The following CLTC variants were observed in gnomAD, a reference collection of about 807,000 sequenced individuals.
CLTC encodes the protein clathrin heavy chain, also known as clathrin heavy chain 1.
CLTC carries 16 observed loss-of-function variants against 195.8 expected under a neutral mutation model. The observed-to-expected ratio is 0.08, with a 90% CI of 0.06 to 0.12. The LOEUF is 0.12. Among genes scored for constraint, CLTC ranks in the 10% least tolerant of loss-of-function variants. The probability of loss-of-function intolerance (pLI) is 1.00; values close to 1 mark genes in which losing one functional copy is unlikely to be tolerated. For synonymous variants in CLTC, 667 were observed against 689.4 expected (o/e 0.97, Z 0.51); for missense variants, 796 against 2,027.0 (o/e 0.39, Z 11.66).
chr17:59,661,407 C>T (rs749086109), intron 7 of CLTC, 36 bp from the exon 8 acceptor site: 1 of 1,546,226 alleles, frequency 6.5e-7, no homozygotes, highest in African/African-American at 1.4e-5. Context: ...CCTTCTTACA[C>T]TTTCGAAGAG....
chr17:59,670,259 G>A (rs1029955732), intron 14 of CLTC, among the ~76,000 whole-genome samples: 2 of 127,772 alleles, frequency 1.6e-5, no homozygotes, highest in African/African-American at 5.5e-5. Flanking sequence ...AGATTCTTTT[G>A]GGGGCAGGGG....
chr17:59,662,213 A>C (rs528710465), intron 8 of CLTC, among the ~76,000 whole-genome samples: 6 of 152,360 alleles, frequency 3.9e-5, no homozygotes, highest in Admixed American at 3.9e-4. Flanking sequence ...ACATGGAAAA[A>C]TATTTAACTT....
Position 59,681,663 on chromosome 17 carries a change from T to C in CLTC, c.3266T>C (p.Ile1089Thr), listed in dbSNP as rs199715555. 1.9e-6 allele frequency: 3 copies of C among 1,612,776 alleles called. No individual in the cohort carries two copies. The highest frequency in any genetic ancestry group is 1.7e-5 in the Admixed American group (1 of 59,852). Residue 1089 changes from isoleucine to threonine, a missense_variant, in exon 21 of 32, where the codon ATT (isoleucine) becomes ACT (threonine). Ile to Thr is a moderately conservative substitution (Grantham distance 89). Transcript: ENST00000269122. This position sits in a 1 kb window ranked among gnomAD's most constrained non-coding sequence, Gnocchi z 5.0. Reference sequence around the variant, plus strand: ...GATACTTAGGTCTTAATTGAGCATATTGGAAACTTGGATCGGGCATATGAG... The same window carrying C: ...GATACTTAGGTCTTAATTGAGCATACTGGAAACTTGGATCGGGCATATGAG... ...TSAVQVLIEHIGNLDRAYEFA... is the reference protein window; with the variant it reads ...TSAVQVLIEHTGNLDRAYEFA...
intron 5 of CLTC, 102 bp downstream of exon 5, chr17:59,651,418 G>T (rs912846584): frequency 2.2e-5 from 18 of 811,886 alleles, no homozygotes; most frequent in African/African-American, 3.5e-5. Flanking sequence ...ATGCTTAAAA[G>T]AATACTTTTT....
chr17:59,682,131 G>T lies in CLTC; in HGVS notation c.3443-140G>T, dbSNP rs972355025. 1 of 805,152 alleles carries T rather than the reference G, an allele frequency of 1.2e-6. No individual in the cohort carries two copies. The highest frequency in any genetic ancestry group is 1.9e-6 in the Non-Finnish European group (1 of 519,918). The allele number at this position is 805,152 out of a possible 1,614,324, so 49.9% of individuals were successfully genotyped here. A position where few individuals can be genotyped will look rare whatever the true frequency, so the allele number is the denominator to read the frequency against. On this transcript the variant is annotated intron_variant, in intron 21 of 31. Coordinates refer to ENST00000269122, the MANE Select transcript of CLTC (RefSeq NM_004859.4). This position sits in a 1 kb window ranked among gnomAD's most constrained non-coding sequence, Gnocchi z 6.8. ...TATTCATTTGGTCCGTGATAATACA[G>T]AAGTGAAATATTGCACGGTTTACAT...
At chr17:59,649,516 C>A (rs887388584) in intron 4 of CLTC, among the ~76,000 whole-genome samples, 1 of 152,172 alleles carries the variant, frequency 6.6e-6, no homozygotes, top group South Asian at 2.1e-4. Flanking sequence ...CTACCACCAA[C>A]AAAACTTGTA....
Position 59,685,339 on chromosome 17 carries a change from A to AAAGTC in CLTC, c.4605+114_4605+115insAGTCA. On this transcript the variant is annotated intron_variant, in intron 29 of 31. Coordinates refer to ENST00000269122, the MANE Select transcript of CLTC (RefSeq NM_004859.4). This position sits in a 1 kb window ranked among gnomAD's most constrained non-coding sequence, Gnocchi z 5.0. ...TTTTGTGAATATGAGAGCTGACTTT[A>AAAGTC]AGGCAATTTAAGTTAATGGATTTCT... 1 of 1,062,084 alleles carries AAAGTC rather than the reference A, an allele frequency of 9.4e-7. No homozygotes were observed. The highest frequency in any genetic ancestry group is 1.3e-6 in the Non-Finnish European group (1 of 762,832). 65.8% of individuals were successfully genotyped at this position (1,062,084 alleles called of 1,614,324 possible).
intron 30 of CLTC, among the ~76,000 whole-genome samples, chr17:59,687,977 A>G (rs963517823): frequency 2.6e-5 from 4 of 152,202 alleles, no homozygotes; most frequent in Non-Finnish European, 5.9e-5. Flanking sequence ...GTGGGGGACA[A>G]TGCCTTGGGA....
intron 1 of CLTC, among the ~76,000 whole-genome samples, chr17:59,640,071 C>A (rs1461093059): frequency 1.3e-5 from 2 of 152,098 alleles, no homozygotes; most frequent in African/African-American, 4.8e-5. Flanking sequence ...AAAATAAAAC[C>A]TGTTTAAAAA....
chr17:59,658,476 C>T (rs2032529824), intron 6 of CLTC, among the ~76,000 whole-genome samples: 1 of 152,180 alleles, frequency 6.6e-6, no homozygotes, highest in African/African-American at 2.4e-5. Context: ...TTTTATGTGC[C>T]AGCTACTTTG....
chr17:59,621,378 A>G (rs2031372934), intron 1 of CLTC, among the ~76,000 whole-genome samples: 1 of 152,246 alleles, frequency 6.6e-6, no homozygotes, highest in Non-Finnish European at 1.5e-5. Context: ...ATGACAGGGA[A>G]TGCAGTGGTT....
chr17:59,666,945 T>C lies in CLTC; in HGVS notation c.2096T>C (p.Ile699Thr), dbSNP rs781066265. 9 of 1,613,212 alleles carry C rather than the reference T, an allele frequency of 5.6e-6. No homozygotes were observed. Among genetic ancestry groups the C allele is most frequent in the Middle Eastern group, 3.3e-4 (2 of 6,080 alleles). ...YHEQLSTQSL[I>T]ELFESFKSFE... is the part of the protein sequence containing the mutation. Reference sequence around the variant, plus strand: ...GAACAACTGTCAACTCAGTCTCTGATTGAACTTTTTGAATCTTTCAAGAGT... The same window carrying C: ...GAACAACTGTCAACTCAGTCTCTGACTGAACTTTTTGAATCTTTCAAGAGT... Residue 699 changes from isoleucine (I) to threonine (T), a missense_variant, in exon 13 of 32, where the codon ATT (isoleucine) becomes ACT (threonine). By Grantham distance (89) the Ile-to-Thr change is moderately conservative. Transcript: ENST00000269122. This position sits in a 1 kb window ranked among gnomAD's most constrained non-coding sequence, Gnocchi z 4.9.
At chr17:59,691,481 G>A (rs552241593) in intron 31 of CLTC, among the ~76,000 whole-genome samples, 14 of 151,966 alleles carry the variant, frequency 9.2e-5, no homozygotes, top group East Asian at 1.9e-4. Context: ...AAGATTAGCC[G>A]GGCGTGGTGG....
At chr17:59,624,067 G>A (rs1193251403) in intron 1 of CLTC, among the ~76,000 whole-genome samples, 1 of 152,172 alleles carries the variant, frequency 6.6e-6, no homozygotes, top group Non-Finnish European at 1.5e-5. Context: ...TTGGAAAGTG[G>A]TGGTGATGAA....
chr17:59,633,169 A>G (rs1223002859), intron 1 of CLTC, among the ~76,000 whole-genome samples: 2 of 152,144 alleles, frequency 1.3e-5, no homozygotes, highest in Non-Finnish European at 2.9e-5. Flanking sequence ...TCATTTGAAA[A>G]CAGTATTTGT....
rs1268204688 is a variant in CLTC, at chr17:59,666,570, C to T, written c.1873C>T (p.Arg625Cys). 6.2e-7 allele frequency: 1 copy of T among 1,613,942 alleles called. No homozygotes were observed. The highest frequency in any genetic ancestry group is 8.5e-7 in the Non-Finnish European group (1 of 1,179,902). Residue 625 changes from arginine (R) to cysteine (C), a missense_variant, in exon 12 of 32, where the codon CGT (arginine) becomes TGT (cysteine). Arg to Cys is a radical substitution (Grantham distance 180). This residue lies in a region of CLTC where 293 missense variants were observed against 795.6 expected (regional missense o/e 0.37). Transcript: ENST00000269122. The surrounding 1 kb of genome is among the most constrained non-coding windows in gnomAD (Gnocchi z 4.9). ...QLCEKAGLLQRALEHFTDLYD... is the reference protein window; with the variant it reads ...QLCEKAGLLQCALEHFTDLYD... Reference sequence around the variant, plus strand: ...GTGTGAAAAGGCTGGCCTACTGCAGCGTGCATTAGAACATTTCACTGATTT... The same window carrying T: ...GTGTGAAAAGGCTGGCCTACTGCAGTGTGCATTAGAACATTTCACTGATTT...
rs146523375 is a variant in CLTC at position 59,624,280 on chromosome 17, A to G, written c.42+4107A>G. Among the ~76,000 whole-genome samples, 769 of 152,254 alleles carry G rather than the reference A, an allele frequency of 5.1e-3. 3 individuals carry two copies. The highest frequency in any genetic ancestry group is 6.1e-3 in the Non-Finnish European group (412 of 68,024). On this transcript the variant is annotated intron_variant, in intron 1 of 31. Transcript: ENST00000269122. ...GAAATTGGATAATTGACCTTAAAAAAAGAAGTTATACAGTATCCTAGAGTG... is the reference window on the plus strand; with the variant it reads ...GAAATTGGATAATTGACCTTAAAAAGAGAAGTTATACAGTATCCTAGAGTG...
In CLTC at chr17:59,681,109, T is replaced by C. The variant is rs778927810; in HGVS notation, c.3065+52T>C. The C allele has an allele frequency of 6.3e-7, 1 of 1,579,464 alleles. No individual in the cohort carries two copies. On this transcript the variant is annotated intron_variant, in intron 19 of 31. Coordinates refer to ENST00000269122, the MANE Select transcript of CLTC (RefSeq NM_004859.4). The surrounding 1 kb of genome is among the most constrained non-coding windows in gnomAD (Gnocchi z 5.0). ...TATTTATAGTCAGTCTTTAATAAAT[T>C]ATGGCCCATCAGTTTTGGGAAGGAA...
At chr17:59,640,402 C>CT (rs879240474) in intron 1 of CLTC, among the ~76,000 whole-genome samples, 11,423 of 142,022 alleles carry the variant, frequency 0.08, 1,005 homozygotes, top group African/African-American at 0.23. Flanking sequence ...ACTTGAAGTT[C>CT]TTTTTTTTTT....
Sources: gnomAD v4.1 joint callset for allele counts (sites outside exome capture counted in the v4.1 genomes callset) on GRCh38, gnomAD v4.1.1 for gene constraint, gnomAD v4.1.1 regional missense constraint, Gnocchi (gnomAD v3.1) non-coding constraint, MANE v1.5 for transcripts, NCBI Gene and HGNC (gene_info 2026-07-23, HGNC 2026-07-21) for gene names.